SH2B3: variants seen among roughly 807,000 people sequenced by gnomAD.
SH2B3 encodes the protein SH2B adaptor protein 3.
SH2B3 carries 43 observed loss-of-function variants against 51.9 expected under a neutral mutation model. That is an observed-to-expected ratio of 0.83 (90% CI 0.65 to 1.07). The LOEUF (loss-of-function observed/expected upper bound fraction) is 1.07, where lower values mean the gene tolerates loss of function less well. Among genes scored for constraint, SH2B3 ranks in the 50% least tolerant of loss-of-function variants. The probability of loss-of-function intolerance (pLI) is 0.00; values close to 1 mark genes in which losing one functional copy is unlikely to be tolerated. For missense variants in SH2B3, 952 were observed against 834.3 expected (o/e 1.14, Z -1.74); for synonymous variants, 396 against 376.0 (o/e 1.05, Z -0.62).
At position 111,437,082 on chromosome 12, in the gene SH2B3, CATCTGA is replaced by C. The variant is rs565822308; in HGVS notation, c.733-9670_733-9665del. Among the ~76,000 whole-genome samples, 345 of 152,250 alleles carry C rather than the reference CATCTGA, an allele frequency of 2.3e-3. 2 individuals are homozygous for C. Among genetic ancestry groups the C allele is most frequent in the Non-Finnish European group, 2.1e-3 (144 of 68,020 alleles). ...TCACCATGTCTGTCTCTGCCTCTACCATCTGACTGGGAGAATTCCTCTCAGGGTTGG... is the reference window on the plus strand; with the variant it reads ...TCACCATGTCTGTCTCTGCCTCTACCCTGGGAGAATTCCTCTCAGGGTTGG... On this transcript the variant is annotated intron_variant, in intron 2 of 7. Coordinates refer to ENST00000341259, the MANE Select transcript of SH2B3 (RefSeq NM_005475.3).
At chr12:111,432,891 CTTAT>C (rs1029525895) in intron 2 of SH2B3, among the ~76,000 whole-genome samples, 2 of 152,170 alleles carry the variant, frequency 1.3e-5, no homozygotes, top group African/African-American at 4.8e-5. Flanking sequence ...CCACATTTTG[CTTAT>C]TTGTTTATCA....
rs148421182 is a variant in SH2B3, at chr12:111,434,883, G to A, written c.733-11870G>A. The A allele has an allele frequency of 2.6e-4, 406 of 1,535,558 alleles. 1 individual carries two copies. In the African/African-American group the frequency reaches 5.0e-3, roughly 19 times the overall value. ...AATGATAGTAATGAGAGTCCGTGCC[G>A]GGTGGAGCTCAGAAGGACATGGGAT... On this transcript the variant is annotated intron_variant, in intron 2 of 7. Coordinates refer to ENST00000341259, the MANE Select transcript of SH2B3 (RefSeq NM_005475.3).
At position 111,447,233 on chromosome 12, in the gene SH2B3, T is replaced by C. The variant is rs754353346; in HGVS notation, c.1021+14T>C. The C allele has an allele frequency of 7.5e-6, 12 of 1,603,278 alleles. No individual in the cohort carries two copies. Among genetic ancestry groups the C allele is most frequent in the Non-Finnish European group, 8.5e-6 (10 of 1,170,308 alleles). Reference sequence around the variant, plus strand: ...CCCTTAACCAAGGTGGGTAAACCAATAGCTAGGCCATTGTCTTCTGGGTAC... The same window carrying C: ...CCCTTAACCAAGGTGGGTAAACCAACAGCTAGGCCATTGTCTTCTGGGTAC... On this transcript the variant is annotated intron_variant, in intron 5 of 7. Transcript: ENST00000341259.
intron 2 of SH2B3, among the ~76,000 whole-genome samples, chr12:111,426,970 G>A (rs990801412): frequency 3.9e-5 from 6 of 152,150 alleles, no homozygotes; most frequent in African/African-American, 1.4e-4. Flanking sequence ...TCCAGGCTGG[G>A]CTGGGCCTGA....
chr12:111,423,829 G>C (rs1277424793), intron 2 of SH2B3, among the ~76,000 whole-genome samples: 1 of 152,106 alleles, frequency 6.6e-6, no homozygotes, highest in Non-Finnish European at 1.5e-5. Context: ...AAAATATCTT[G>C]GTGGCCAAGC....
At chr12:111,408,834 T>G (rs1018616402) in intron 1 of SH2B3, among the ~76,000 whole-genome samples, 4 of 152,352 alleles carry the variant, frequency 2.6e-5, no homozygotes, top group African/African-American at 7.2e-5. Context: ...GTTGATCACT[T>G]AAGCTCTCTG....
chr12:111,415,325 G>A (rs560918886), intron 1 of SH2B3, among the ~76,000 whole-genome samples: 1 of 152,306 alleles, frequency 6.6e-6, no homozygotes, highest in East Asian at 1.9e-4. Context: ...CAGGCCCAGC[G>A]AGGGTCAGGA....
At chr12:111,419,676 A>G (rs1348950248) in intron 2 of SH2B3, among the ~76,000 whole-genome samples, 1 of 152,124 alleles carries the variant, frequency 6.6e-6, no homozygotes, top group Non-Finnish European at 1.5e-5. Flanking sequence ...GAAAGTTGCA[A>G]AGATAGTAGT....
chr12:111,434,367 C>T (rs977205519), intron 2 of SH2B3, among the ~76,000 whole-genome samples: 1 of 152,202 alleles, frequency 6.6e-6, no homozygotes, highest in African/African-American at 2.4e-5. Context: ...CCGTGGATTT[C>T]GACTGTTTCT....
chr12:111,431,759 C>T (rs1344813692), intron 2 of SH2B3, among the ~76,000 whole-genome samples: 15 of 152,230 alleles, frequency 9.9e-5, no homozygotes, highest in Admixed American at 9.8e-4. Context: ...TAGCAGGACA[C>T]CATGCCCTGC....
At position 111,448,344 on chromosome 12, in the gene SH2B3, C is replaced by G. The variant is rs1242162799; in HGVS notation, c.*42C>G. The G allele has an allele frequency of 7.3e-7, 1 of 1,375,084 alleles. No homozygotes were observed. The highest frequency in any genetic ancestry group is 1.4e-5 in the African/African-American group (1 of 70,096). The allele number at this position is 1,375,084 out of a possible 1,614,324, so 85.2% of individuals were successfully genotyped here. ...GGCCTCAACAGCTGCCCTTGAGGAG[C>G]ACAGGCAGAAGTGTGAACTTGTGAA... is the stretch of plus-strand genomic sequence containing the variant. On this transcript the variant is annotated 3_prime_UTR_variant, in exon 8 of 8. Transcript: ENST00000341259.
intron 2 of SH2B3, among the ~76,000 whole-genome samples, chr12:111,441,353 T>TATC (rs1290522350): frequency 1.4e-5 from 2 of 143,934 alleles, no homozygotes; most frequent in Non-Finnish European, 3.0e-5. Flanking sequence ...AGCAAGACCC[T>TATC]ATCTCTTAAA....
At chr12:111,437,809 C>G (rs1358951137) in intron 2 of SH2B3, among the ~76,000 whole-genome samples, 3 of 152,192 alleles carry the variant, frequency 2.0e-5, no homozygotes, top group South Asian at 2.1e-4. Flanking sequence ...CCCTCTGCTT[C>G]CCAGGCACTT....
chr12:111,428,425 C>A (rs770858349), intron 2 of SH2B3, among the ~76,000 whole-genome samples: 2 of 152,202 alleles, frequency 1.3e-5, no homozygotes, highest in African/African-American at 2.4e-5. Context: ...CATCCCCTTT[C>A]GAGCCAGGTG....
intron 2 of SH2B3, chr12:111,444,723 T>C: frequency 1.0e-6 from 1 of 985,508 alleles, no homozygotes; most frequent in Non-Finnish European, 1.2e-6. Flanking sequence ...GGGCATCTGG[T>C]GGTCCTTCCC....
rs540054222 is a variant in SH2B3 at position 111,448,725 on chromosome 12, G to A, written c.*423G>A. ...ATCAGGAAGCCCAGAACACTAACAA[G>A]CGGTTCTCCCATCTACCGTCAGTCC... On this transcript the variant is annotated 3_prime_UTR_variant, in exon 8 of 8. Coordinates refer to ENST00000341259, the MANE Select transcript of SH2B3 (RefSeq NM_005475.3). 3.1e-5 allele frequency: 6 copies of A among 190,884 alleles called. No individual in the cohort carries two copies. The highest frequency in any genetic ancestry group is 6.7e-5 in the Non-Finnish European group (6 of 90,080). 11.8% of individuals were successfully genotyped at this position (190,884 alleles called of 1,614,324 possible). A position where few individuals can be genotyped will look rare whatever the true frequency, so the allele number is the denominator to read the frequency against.
chr12:111,441,874 T>C (rs540089875), intron 2 of SH2B3, among the ~76,000 whole-genome samples: 61 of 152,202 alleles, frequency 4.0e-4, no homozygotes, highest in African/African-American at 1.4e-3. Context: ...GTAGCAGCTG[T>C]CTCCCAGCTC....
chr12:111,426,813 C>G (rs745775903), intron 2 of SH2B3, among the ~76,000 whole-genome samples: 10 of 152,086 alleles, frequency 6.6e-5, no homozygotes, highest in Non-Finnish European at 1.3e-4. Flanking sequence ...AACTGAGGCA[C>G]TGGGAGAAGC....
At chr12:111,432,120 T>A (rs1241220034) in intron 2 of SH2B3, among the ~76,000 whole-genome samples, 1 of 62,318 alleles carries the variant, frequency 1.6e-5, no homozygotes, top group Admixed American at 1.6e-4. Context: ...TTCTGTATTC[T>A]TTTTTTTTTT....
Sources: allele counts gnomAD v4.1 joint callset (sites outside exome capture counted in the v4.1 genomes callset), GRCh38; gene constraint gnomAD v4.1.1; transcripts MANE v1.5; gene names NCBI Gene and HGNC (gene_info 2026-07-23, HGNC 2026-07-21).